Variants in CMBL observed in about 807,000 individuals in gnomAD.
The protein encoded by CMBL is carboxymethylenebutenolidase homolog, also known as carboxymethylenebutenolidase homolog (Pseudomonas).
In CMBL, 17 loss-of-function variants were observed where a neutral mutation model predicts 28.7. That is an observed-to-expected ratio of 0.59 (90% CI 0.41 to 0.89). The LOEUF is 0.89. CMBL is among the 40% of genes least tolerant of loss of function. The pLI, the probability that CMBL is intolerant of heterozygous loss-of-function variation, is 0.00. For synonymous variants in CMBL, 106 were observed against 101.6 expected, an observed-to-expected ratio of 1.04 and a Z score of -0.26; for missense variants, 310 against 298.5, an observed-to-expected ratio of 1.04 and a Z score of -0.28.
At chr5:10,282,935 C>A (rs991085471) in intron 4 of CMBL, among the ~76,000 whole-genome samples, 3 of 151,678 alleles carry the variant, frequency 2.0e-5, no homozygotes, top group Non-Finnish European at 4.4e-5. Context: ...ACTAAAAATA[C>A]AAAAATTAGC....
At position 10,287,371 on chromosome 5, in the gene CMBL, A is replaced by G. The variant is rs962899219; in HGVS notation, c.324-875T>C. Among the ~76,000 whole-genome samples the G allele has an allele frequency of 3.3e-5, 5 of 152,248 alleles. No homozygotes were observed. The East Asian group carries it at 9.7e-4, about 29-fold the overall frequency. On this transcript the variant is annotated intron_variant, in intron 3 of 5. Transcript: ENST00000296658. ...AGCTGGAGGTCATTTCTCTAAGGGAAGTAACTCAGGAATGGAAAACCAAAT... is the reference window on the plus strand; with the variant it reads ...AGCTGGAGGTCATTTCTCTAAGGGAGGTAACTCAGGAATGGAAAACCAAAT...
At chr5:10,291,339 C>T (rs1443706543) in intron 1 of CMBL, among the ~76,000 whole-genome samples, 2 of 152,148 alleles carry the variant, frequency 1.3e-5, no homozygotes, top group Non-Finnish European at 2.9e-5. Flanking sequence ...AACCCATCTC[C>T]GTCTAGATTC....
intron 1 of CMBL, among the ~76,000 whole-genome samples, chr5:10,302,127 T>C (rs1342278342): frequency 2.0e-5 from 3 of 152,118 alleles, no homozygotes; most frequent in African/African-American, 7.2e-5. Context: ...AAGTCCACAA[T>C]GGGCAGGGCG....
intron 1 of CMBL, among the ~76,000 whole-genome samples, chr5:10,294,984 C>T (rs536376839): frequency 1.3e-5 from 2 of 152,150 alleles, no homozygotes; most frequent in Non-Finnish European, 2.9e-5. Flanking sequence ...AGTTCAAGGG[C>T]CAGGGGCCCA....
intron 4 of CMBL, among the ~76,000 whole-genome samples, chr5:10,285,678 T>C (rs1015383574): frequency 1.7e-5 from 1 of 60,200 alleles, no homozygotes; most frequent in Non-Finnish European, 4.5e-5. Context: ...CAGTCTTTCT[T>C]TCTTTCTTTC....
At chr5:10,286,269 T>C in intron 4 of CMBL, 85 bp downstream of exon 4, 1 of 1,371,870 alleles carries the variant, frequency 7.3e-7, no homozygotes, top group Non-Finnish European at 1.0e-6. Context: ...GGGGTTGTGT[T>C]ACACTGGATG....
intron 1 of CMBL, among the ~76,000 whole-genome samples, chr5:10,300,322 A>G (rs1007798767): frequency 2.0e-5 from 3 of 152,204 alleles, no homozygotes; most frequent in African/African-American, 4.8e-5. Context: ...CAGGTTTCAG[A>G]AAGAGCAGAG....
In CMBL at chr5:10,282,242, A is replaced by G. The variant is rs1746507643; in HGVS notation, c.513T>C (p.Thr171=). 1 of 1,613,332 alleles carries G rather than the reference A, an allele frequency of 6.2e-7. No individual in the cohort carries two copies. The highest frequency in any genetic ancestry group is 2.2e-5 in the East Asian group (1 of 44,882). The change falls in exon 5 of 6, where the codon ACT becomes ACC. Residue 171 remains threonine (T), a synonymous_variant. Transcript: ENST00000296658. ...CATCATTTTCAGCAAAAATGAACAAAGTGGGGTTCTTTAAATTGTAAATGT... is the reference window on the plus strand; with the variant it reads ...CATCATTTTCAGCAAAAATGAACAAGGTGGGGTTCTTTAAATTGTAAATGT... The part of the protein sequence containing the change: ...SEDIYNLKNP[T]LFIFAENDVV...
Position 10,286,413 on chromosome 5 carries a change from G to T in CMBL, c.407C>A (p.Thr136Asn), listed in dbSNP as rs1364088837. Reference sequence around the variant, plus strand: ...TTTCATCATCAAATGATGGACAGCAGTTCCACCCCAGCAGAATCCCACGAT... The same window carrying T: ...TTTCATCATCAAATGATGGACAGCATTTCCACCCCAGCAGAATCCCACGAT... ...IGIVGFCWGG[T>N]AVHHLMMKYS... The change falls in exon 4 of 6, where the codon ACT (threonine) becomes AAT (asparagine). Residue 136 changes from threonine (T) to asparagine (N), a missense_variant. Transcript: ENST00000296658. The T allele has an allele frequency of 6.2e-7, 1 of 1,614,042 alleles. No homozygotes were observed. Among genetic ancestry groups the T allele is most frequent in the Non-Finnish European group, 8.5e-7 (1 of 1,179,982 alleles).
At chr5:10,294,816 A>G (rs1030773981) in intron 1 of CMBL, among the ~76,000 whole-genome samples, 9 of 152,188 alleles carry the variant, frequency 5.9e-5, no homozygotes, top group Admixed American at 4.6e-4. Context: ...CGTGATGACT[A>G]CAAGGGTTCC....
chr5:10,303,033 A>G (rs1422140073), intron 1 of CMBL, among the ~76,000 whole-genome samples: 1 of 152,212 alleles, frequency 6.6e-6, no homozygotes, highest in Non-Finnish European at 1.5e-5. Flanking sequence ...CACCTACATA[A>G]TAAGAACTTT....
chr5:10,297,152 T>C (rs1746823309), intron 1 of CMBL, among the ~76,000 whole-genome samples: 2 of 147,052 alleles, frequency 1.4e-5, no homozygotes, highest in African/African-American at 2.5e-5. Context: ...GCCATTGCAC[T>C]GCAGCCTAGG....
At chr5:10,292,777 T>C (rs1051211808) in intron 1 of CMBL, among the ~76,000 whole-genome samples, 2 of 148,444 alleles carry the variant, frequency 1.3e-5, no homozygotes, top group East Asian at 2.0e-4. Flanking sequence ...TGAGCCGAGA[T>C]TGCGCCATTG....
At chr5:10,301,473 C>G (rs1746896162) in intron 1 of CMBL, among the ~76,000 whole-genome samples, 1 of 151,782 alleles carries the variant, frequency 6.6e-6, no homozygotes, top group Non-Finnish European at 1.5e-5. Flanking sequence ...CAGCGATCAT[C>G]AACACCATGA....
rs1478319046 is a variant in CMBL, at chr5:10,289,834, A to G, written c.215+714T>C. 6.6e-6 allele frequency among the ~76,000 whole-genome samples: 1 copy of G among 152,200 alleles called. No homozygotes were observed. Among genetic ancestry groups the G allele is most frequent in the Non-Finnish European group, 1.5e-5 (1 of 68,030 alleles). ...CTTCCTAGAAAAACAAGGTAGGCTC[A>G]TCCTCGGGTTTCCAGCTTCTCCTTC... On this transcript the variant is annotated intron_variant, in intron 2 of 5. Coordinates refer to ENST00000296658, the MANE Select transcript of CMBL (RefSeq NM_138809.4). The surrounding 1 kb of genome is among the most constrained non-coding windows in gnomAD (Gnocchi z 4.3).
At chr5:10,288,313 G>T (rs993287797) in intron 3 of CMBL, 109 bp downstream of exon 3, 2 of 797,416 alleles carry the variant, frequency 2.5e-6, no homozygotes, top group South Asian at 2.8e-5. Flanking sequence ...CATTGGCCAT[G>T]GAGAAGTCCT....
rs1341011927 is a variant in CMBL at position 10,277,939 on chromosome 5, C to T, written c.*2514G>A. On this transcript the variant is annotated 3_prime_UTR_variant, in exon 6 of 6. Transcript: ENST00000296658. ...CTCTGGCTACTGGCCACATGCTCAC[C>T]GACACCGTTCCACGGCAAAAGCCCA... Among the ~76,000 whole-genome samples the T allele has an allele frequency of 6.6e-6, 1 of 152,206 alleles. No homozygotes were observed.
chr5:10,300,002 T>C (rs1450438418), intron 1 of CMBL, among the ~76,000 whole-genome samples: 2 of 152,226 alleles, frequency 1.3e-5, no homozygotes, highest in African/African-American at 2.4e-5. Context: ...TTGATGTAGG[T>C]TGAATTGTAT....
At chr5:10,306,659 A>G (rs1231719782) in intron 1 of CMBL, among the ~76,000 whole-genome samples, 1 of 152,210 alleles carries the variant, frequency 6.6e-6, no homozygotes, top group Non-Finnish European at 1.5e-5. Flanking sequence ...TCAATCTTGC[A>G]GCAGGGAAGG....
Sources: gnomAD v4.1 joint callset for allele counts (sites outside exome capture counted in the v4.1 genomes callset) on GRCh38, gnomAD v4.1.1 for gene constraint, Gnocchi (gnomAD v3.1) non-coding constraint, MANE v1.5 for transcripts, NCBI Gene and HGNC (gene_info 2026-07-23, HGNC 2026-07-21) for gene names.